Variants in RANBP2 observed in about 807,000 individuals in gnomAD.
RANBP2 encodes E3 SUMO-protein ligase RanBP2.
A neutral mutation model predicts 303.6 loss-of-function variants in RANBP2; 57 were observed. The ratio of observed to expected loss-of-function variants is 0.19; its 90% CI spans 0.15 to 0.23. The LOEUF (loss-of-function observed/expected upper bound fraction) is 0.23, where lower values mean the gene tolerates loss of function less well. Among genes scored for constraint, RANBP2 ranks in the 10% least tolerant of loss-of-function variants. The pLI is 1.00. For synonymous variants in RANBP2, 1,167 were observed against 1,301.5 expected (o/e 0.90, Z 2.23); for missense variants, 3,138 against 3,780.8 (o/e 0.83, Z 4.46).
At chr2:108,781,529 A>G (rs1406458630) in intron 26 of RANBP2, 100 bp downstream of exon 26, 1 of 1,132,982 alleles carries the variant, frequency 8.8e-7, no homozygotes, top group Non-Finnish European at 1.3e-6. Flanking sequence ...GCATTTAAGA[A>G]TGTTTACTGT....
At chr2:108,839,145 A>C in the RANBP2 span, 1 of 1,554,002 alleles carries the variant, frequency 6.4e-7, no homozygotes, top group East Asian at 2.3e-5. Flanking sequence ...ATTTAAAAAT[A>C]CTGTGCCTTT....
At chr2:108,772,170 G>A (rs1388857619) in intron 21 of RANBP2, among the ~76,000 whole-genome samples, 1 of 152,170 alleles carries the variant, frequency 6.6e-6, no homozygotes, top group Non-Finnish European at 1.5e-5. Context: ...AGGCGGACAA[G>A]GTTCCAGTGG....
the RANBP2 span, among the ~76,000 whole-genome samples, chr2:109,360,119 G>C: frequency 6.6e-6 from 1 of 151,622 alleles, no homozygotes. Context: ...CAGCATCATA[G>C]GTAGAGACTG....
At chr2:108,942,773 C>T in the RANBP2 span, among the ~76,000 whole-genome samples, 1 of 152,242 alleles carries the variant, frequency 6.6e-6, no homozygotes, top group African/African-American at 2.4e-5. Context: ...CACGAAGGTT[C>T]GTGCCCTGAG....
the RANBP2 span, among the ~76,000 whole-genome samples, chr2:109,083,601 G>T: frequency 6.6e-6 from 1 of 152,034 alleles, no homozygotes; most frequent in Non-Finnish European, 1.5e-5. Context: ...TGTGAATAAC[G>T]TTGCTGTGAA....
At chr2:109,398,784 C>A in the RANBP2 span, 6 of 1,613,830 alleles carry the variant, frequency 3.7e-6, no homozygotes, top group Non-Finnish European at 5.1e-6. Context: ...AGAAACGCCA[C>A]TCCTTCACCG....
At chr2:109,583,917 A>G in the RANBP2 span, among the ~76,000 whole-genome samples, 1 of 152,208 alleles carries the variant, frequency 6.6e-6, no homozygotes, top group Admixed American at 6.5e-5. Context: ...GTTCTCACTT[A>G]TAAGTAAGTG....
At chr2:109,637,156 G>A in the RANBP2 span, among the ~76,000 whole-genome samples, 848 of 152,272 alleles carry the variant, frequency 5.6e-3, 3 homozygotes, top group African/African-American at 0.019. Context: ...ATGACTGGAC[G>A]TGCATGTAAG....
At chr2:108,992,020 G>C in the RANBP2 span, among the ~76,000 whole-genome samples, 1 of 152,024 alleles carries the variant, frequency 6.6e-6, no homozygotes, top group Non-Finnish European at 1.5e-5. Context: ...GGCTGGTCTC[G>C]AACTCCTGAC....
At chr2:109,626,301 G>A in the RANBP2 span, among the ~76,000 whole-genome samples, 2 of 151,994 alleles carry the variant, frequency 1.3e-5, no homozygotes, top group African/African-American at 4.8e-5. Context: ...CCAACATGGT[G>A]AAACCCCATC....
At chr2:109,576,662 C>A in the RANBP2 span, among the ~76,000 whole-genome samples, 1 of 152,040 alleles carries the variant, frequency 6.6e-6, no homozygotes, top group East Asian at 1.9e-4. Flanking sequence ...GTAAGAGGAC[C>A]TATTATATGA....
chr2:109,420,264 C>G, the RANBP2 span, among the ~76,000 whole-genome samples: 22 of 152,298 alleles, frequency 1.4e-4, no homozygotes, highest in African/African-American at 5.1e-4. Context: ...CCCTTTTGCT[C>G]TTGTGTTTGG....
the RANBP2 span, among the ~76,000 whole-genome samples, chr2:108,939,602 C>G: frequency 6.6e-6 from 1 of 151,110 alleles, no homozygotes; most frequent in Non-Finnish European, 1.5e-5. Context: ...AGGAGGAGAA[C>G]ATGTCCCGTT....
chr2:109,153,436 C>A, the RANBP2 span, among the ~76,000 whole-genome samples: 1 of 152,096 alleles, frequency 6.6e-6, no homozygotes, highest in African/African-American at 2.4e-5. Context: ...ATTAGTTCTG[C>A]TGAGAAAGAA....
chr2:109,464,647 T>TA, the RANBP2 span, among the ~76,000 whole-genome samples: 1 of 152,214 alleles, frequency 6.6e-6, no homozygotes, highest in Non-Finnish European at 1.5e-5. Flanking sequence ...AGACTTTTTT[T>TA]AAAGAGACTT....
chr2:109,699,344 TA>T, the RANBP2 span, among the ~76,000 whole-genome samples: 2 of 151,842 alleles, frequency 1.3e-5, no homozygotes, highest in African/African-American at 2.4e-5. Flanking sequence ...ATGCGGGGGC[TA>T]GGGGGACTGA....
At chr2:109,149,438 C>G in the RANBP2 span, among the ~76,000 whole-genome samples, 38 of 152,348 alleles carry the variant, frequency 2.5e-4, no homozygotes, top group African/African-American at 9.1e-4. Flanking sequence ...TTCTAAACCT[C>G]TTTAATCTCA....
At chr2:109,086,103 A>G in the RANBP2 span, among the ~76,000 whole-genome samples, 4 of 152,188 alleles carry the variant, frequency 2.6e-5, no homozygotes, top group Non-Finnish European at 5.9e-5. Flanking sequence ...CATGTGTCAG[A>G]GTTTCCTTCC....
At chr2:109,174,937 C>T in the RANBP2 span, among the ~76,000 whole-genome samples, 1 of 152,166 alleles carries the variant, frequency 6.6e-6, no homozygotes, top group Non-Finnish European at 1.5e-5. Context: ...GGGGAGAGTC[C>T]TTGCATTTGC....
Sources: gnomAD v4.1 joint callset for allele counts (sites outside exome capture counted in the v4.1 genomes callset) on GRCh38, gnomAD v4.1.1 for gene constraint, MANE v1.5 for transcripts, NCBI Gene and HGNC (gene_info 2026-07-23, HGNC 2026-07-21) for gene names.